Variants in CDH12 observed in about 807,000 individuals in gnomAD.
CDH12 encodes the protein cadherin 12.
CDH12 carries 41 observed loss-of-function variants against 74.1 expected under a neutral mutation model. That is an observed-to-expected ratio of 0.55 (90% CI 0.43 to 0.72). The LOEUF is 0.72. Among genes scored for constraint, CDH12 ranks in the 30% least tolerant of loss-of-function variants. The probability of loss-of-function intolerance (pLI) is 0.00; values close to 1 mark genes in which losing one functional copy is unlikely to be tolerated. For synonymous variants in CDH12, 399 were observed against 355.0 expected, an observed-to-expected ratio of 1.12 and a Z score of -1.39; for missense variants, 945 against 977.2, an observed-to-expected ratio of 0.97 and a Z score of 0.44.
At chr5:22,593,773 A>T (rs1053101295) in intron 1 of CDH12, among the ~76,000 whole-genome samples, 1 of 152,204 alleles carries the variant, frequency 6.6e-6, no homozygotes, top group Non-Finnish European at 1.5e-5. Context: ...CAGATAATAT[A>T]TGCAGGTATT....
intron 5 of CDH12, among the ~76,000 whole-genome samples, chr5:22,029,048 C>T (rs563704809): frequency 7.2e-5 from 11 of 152,042 alleles, no homozygotes; most frequent in South Asian, 2.1e-4. Context: ...CTGGGAAAAC[C>T]AGCTAGCCAT....
chr5:22,539,005 C>T (rs1421653330), intron 1 of CDH12, among the ~76,000 whole-genome samples: 1 of 152,206 alleles, frequency 6.6e-6, no homozygotes, highest in Non-Finnish European at 1.5e-5. Flanking sequence ...AAGTGATCCT[C>T]CCACCTCAGC....
intron 3 of CDH12, among the ~76,000 whole-genome samples, chr5:22,370,337 T>C (rs561744399): frequency 2.0e-5 from 3 of 152,238 alleles, no homozygotes; most frequent in South Asian, 4.1e-4. Context: ...CACTCCCAAG[T>C]TGCTTGGACT....
At chr5:21,970,538 G>A (rs1183245298) in intron 6 of CDH12, among the ~76,000 whole-genome samples, 4 of 151,848 alleles carry the variant, frequency 2.6e-5, no homozygotes, top group African/African-American at 4.8e-5. Context: ...ATATGGCCAC[G>A]AAACAAGTAG....
chr5:21,960,494 C>T (rs975193551), intron 6 of CDH12, among the ~76,000 whole-genome samples: 1 of 152,066 alleles, frequency 6.6e-6, no homozygotes, highest in Non-Finnish European at 1.5e-5. Context: ...GAGCGTGGGA[C>T]AGGGAGTCAT....
Position 21,983,156 on chromosome 5 carries a change from G to A in CDH12, c.232-7771C>T, listed in dbSNP as rs573087393. Among the ~76,000 whole-genome samples, 3 of 152,158 alleles carry A rather than the reference G, an allele frequency of 2.0e-5. No individual in the cohort carries two copies. The East Asian group carries it at 5.8e-4, about 29-fold the overall frequency. On this transcript the variant is annotated intron_variant, in intron 5 of 14. Coordinates refer to ENST00000382254, the MANE Select transcript of CDH12 (RefSeq NM_004061.5). ...TAATTTTATATGATTTCTTAATAATGAGTGTATGTTAGACATTTTACTTGA... is the reference window on the plus strand; with the variant it reads ...TAATTTTATATGATTTCTTAATAATAAGTGTATGTTAGACATTTTACTTGA...
At chr5:22,021,736 A>G (rs1191638239) in intron 5 of CDH12, among the ~76,000 whole-genome samples, 3 of 152,214 alleles carry the variant, frequency 2.0e-5, no homozygotes, top group African/African-American at 7.2e-5. Context: ...TGAGTAAAAA[A>G]TATGTATAGA....
intron 1 of CDH12, among the ~76,000 whole-genome samples, chr5:22,607,257 G>A (rs1737165365): frequency 6.6e-6 from 1 of 152,340 alleles, no homozygotes. Context: ...CCAAAACAAT[G>A]AGGAATATGT....
intron 3 of CDH12, among the ~76,000 whole-genome samples, chr5:22,308,699 C>T (rs551675271): frequency 6.6e-6 from 1 of 151,898 alleles, no homozygotes; most frequent in Non-Finnish European, 1.5e-5. Flanking sequence ...TTGATCACAT[C>T]GACAAAGCAA....
chr5:22,471,185 C>T (rs1313214346), intron 2 of CDH12, among the ~76,000 whole-genome samples: 2 of 152,124 alleles, frequency 1.3e-5, no homozygotes, highest in Non-Finnish European at 2.9e-5. Context: ...TCTTTCAACA[C>T]CCAATGAACA....
chr5:22,587,765 C>T (rs570320946), intron 1 of CDH12, among the ~76,000 whole-genome samples: 1 of 151,728 alleles, frequency 6.6e-6, no homozygotes, highest in Admixed American at 6.6e-5. Flanking sequence ...TTATATGGAC[C>T]TAGAATGGCA....
intron 1 of CDH12, among the ~76,000 whole-genome samples, chr5:22,779,874 T>TA (rs1382490854): frequency 6.6e-6 from 1 of 152,106 alleles, no homozygotes; most frequent in Admixed American, 6.6e-5. Context: ...AACCAACTAA[T>TA]ACACTGGTAA....
At chr5:22,230,413 T>C (rs1752339938) in intron 3 of CDH12, among the ~76,000 whole-genome samples, 1 of 152,072 alleles carries the variant, frequency 6.6e-6, no homozygotes, top group Non-Finnish European at 1.5e-5. Flanking sequence ...ACAAAATGTC[T>C]TCATGTCAAA....
At chr5:22,255,185 T>C (rs1363574482) in intron 3 of CDH12, among the ~76,000 whole-genome samples, 1 of 151,902 alleles carries the variant, frequency 6.6e-6, no homozygotes, top group Non-Finnish European at 1.5e-5. Flanking sequence ...CCTTATTCAT[T>C]AGCTAGGTCT....
chr5:22,581,200 G>T (rs1740083477), intron 1 of CDH12, among the ~76,000 whole-genome samples: 1 of 152,232 alleles, frequency 6.6e-6, no homozygotes, highest in Non-Finnish European at 1.5e-5. Flanking sequence ...TCCCATCACA[G>T]GCCTGAAGGC....
intron 1 of CDH12, among the ~76,000 whole-genome samples, chr5:22,815,605 A>G (rs1749349969): frequency 6.6e-6 from 1 of 151,850 alleles, no homozygotes; most frequent in Admixed American, 6.6e-5. Context: ...CCCCATCTCT[A>G]CTAAAAATAC....
intron 10 of CDH12, among the ~76,000 whole-genome samples, chr5:21,787,755 G>A (rs1361937604): frequency 1.3e-5 from 2 of 152,102 alleles, no homozygotes; most frequent in Non-Finnish European, 2.9e-5. Flanking sequence ...CAATTTCAGT[G>A]TGGTACCTTA....
chr5:22,458,828 T>C (rs1745392719), intron 2 of CDH12, among the ~76,000 whole-genome samples: 1 of 152,228 alleles, frequency 6.6e-6, no homozygotes, highest in Admixed American at 6.5e-5. Flanking sequence ...TCAGCTATAG[T>C]TAATCATGCT....
chr5:21,757,102 G>A lies in CDH12; in HGVS notation c.1634-1260C>T, dbSNP rs551332859. Among the ~76,000 whole-genome samples the A allele has an allele frequency of 2.0e-5, 3 of 152,284 alleles. No homozygotes were observed. The South Asian group carries it at 6.2e-4, about 32-fold the overall frequency. ...CTGGTGTGTCTGCACTTGGGAGAAG[G>A]TAGGGATTTGGTATTCTTGAACTCA... On this transcript the variant is annotated intron_variant, in intron 13 of 14. Transcript: ENST00000382254.
Sources: allele counts gnomAD v4.1 joint callset (sites outside exome capture counted in the v4.1 genomes callset), GRCh38; gene constraint gnomAD v4.1.1; transcripts MANE v1.5; gene names NCBI Gene and HGNC (gene_info 2026-07-23, HGNC 2026-07-21).